Variants in ZNF721 observed in about 807,000 individuals in gnomAD.
ZNF721 encodes zinc finger protein 721.
Under a neutral mutation model 2.4 loss-of-function variants are expected in ZNF721, and 2 were observed. That is an observed-to-expected ratio of 0.82 (90% CI 0.34 to 2.58). The LOEUF (loss-of-function observed/expected upper bound fraction) is 2.58. ZNF721 is among the 30% of genes most tolerant of loss of function. The pLI is 0.11. For missense variants in ZNF721, 1,187 were observed against 1,085.5 expected (o/e 1.09, Z -1.31); for synonymous variants, 398 against 381.8 (o/e 1.04, Z -0.50).
chr4:476,303 T>C (rs1016600354), intron 1 of ZNF721, among the ~76,000 whole-genome samples: 7 of 152,238 alleles, frequency 4.6e-5, no homozygotes, highest in African/African-American at 1.7e-4. Flanking sequence ...GCTCCCCTGA[T>C]AGCAGCAACT....
intron 2 of ZNF721, among the ~76,000 whole-genome samples, chr4:469,733 A>G (rs1321065552): frequency 6.6e-6 from 1 of 152,198 alleles, no homozygotes; most frequent in Admixed American, 6.5e-5. Context: ...ACATACAAAA[A>G]CCAATGAACA....
In ZNF721 at chr4:446,075, CACA is replaced by C. The variant is rs142871870; in HGVS notation, c.35-1646_35-1644del. ...AGCACATGCTGAAAAAGTATATTAG[CACA>C]ACACCTGTCTTACCAAAAAAATGCT... On this transcript the variant is annotated intron_variant, in intron 2 of 2. Transcript: ENST00000511833. Among the ~76,000 whole-genome samples the C allele has an allele frequency of 4.1e-3, 622 of 152,114 alleles. 8 individuals carry two copies. The highest frequency in any genetic ancestry group is 0.014 in the African/African-American group (584 of 41,436).
intron 2 of ZNF721, among the ~76,000 whole-genome samples, chr4:448,317 T>C (rs1553864421): frequency 6.6e-6 from 1 of 151,902 alleles, no homozygotes; most frequent in Non-Finnish European, 1.5e-5. Context: ...GTGACTGTAG[T>C]CCCAGCTACT....
intron 1 of ZNF721, among the ~76,000 whole-genome samples, chr4:491,097 G>A (rs909342628): frequency 1.3e-5 from 2 of 152,060 alleles, no homozygotes; most frequent in Non-Finnish European, 2.9e-5. Flanking sequence ...ATACTGACAC[G>A]TGCATCCTTA....
At chr4:475,334 A>C (rs1426186547) in intron 1 of ZNF721, among the ~76,000 whole-genome samples, 1 of 151,076 alleles carries the variant, frequency 6.6e-6, no homozygotes. Flanking sequence ...CAGACTTACT[A>C]ATATTTTTTT....
intron 1 of ZNF721, among the ~76,000 whole-genome samples, chr4:478,069 G>A (rs1553868872): frequency 6.6e-6 from 1 of 152,194 alleles, no homozygotes; most frequent in African/African-American, 2.4e-5. Context: ...AATAAAAACT[G>A]CAACACGGAA....
chr4:440,264 G>C lies in ZNF721; in HGVS notation c.*1431C>G, dbSNP rs1309102244. ...TCTTCTCTTTCATGTAGAAGTCTAT[G>C]AATAATGCCCACCTAATGCAAAGGA... On this transcript the variant is annotated 3_prime_UTR_variant, in exon 3 of 3. Coordinates refer to ENST00000511833, the MANE Select transcript of ZNF721 (RefSeq NM_133474.4). 2.0e-5 allele frequency: 3 copies of C among 152,116 alleles called. No individual in the cohort carries two copies. Among genetic ancestry groups the C allele is most frequent in the Non-Finnish European group, 4.4e-5 (3 of 68,022 alleles). The allele number at this position is 152,116 out of a possible 1,614,324, so 9.4% of individuals were successfully genotyped here. A position where few individuals can be genotyped will look rare whatever the true frequency, so the allele number is the denominator to read the frequency against.
intron 2 of ZNF721, 84 bp from the exon 3 acceptor site, chr4:444,516 C>A (rs782495193): frequency 7.6e-7 from 1 of 1,307,354 alleles, no homozygotes; most frequent in Non-Finnish European, 1.0e-6. Flanking sequence ...ATACAAAGTA[C>A]GCTAGTAAGA....
At chr4:446,386 T>C (rs191563864) in intron 2 of ZNF721, among the ~76,000 whole-genome samples, 35 of 150,904 alleles carry the variant, frequency 2.3e-4, no homozygotes, top group Admixed American at 5.3e-4. Flanking sequence ...GTTTTCTTTT[T>C]TTTTTTTTTT....
Position 471,446 on chromosome 4 carries a change from C to T in ZNF721, c.34+1129G>A, listed in dbSNP as rs962820906. ...GGACATGATGCTAAATGAAATTAGCCAAACACAGACAGACAAAGAAACTGC... is the reference window on the plus strand; with the variant it reads ...GGACATGATGCTAAATGAAATTAGCTAAACACAGACAGACAAAGAAACTGC... On this transcript the variant is annotated intron_variant, in intron 2 of 2. Coordinates refer to ENST00000511833, the MANE Select transcript of ZNF721 (RefSeq NM_133474.4). Among the ~76,000 whole-genome samples the T allele has an allele frequency of 3.2e-4, 48 of 152,112 alleles. 1 individual carries two copies. The highest frequency in any genetic ancestry group is 6.5e-5 in the Admixed American group (1 of 15,268).
rs1553867865 is a variant in ZNF721, at chr4:472,566, T to C, written c.34+9A>G. 4 of 1,598,020 alleles carry C rather than the reference T, an allele frequency of 2.5e-6. No homozygotes were observed. The highest frequency in any genetic ancestry group is 2.2e-5 in the East Asian group (1 of 44,844). Reference sequence around the variant, plus strand: ...AGTATTAGGAATTATGCATTAAAGTTATCCTCACCTAGGGAGACCAGGTTT... The same window carrying C: ...AGTATTAGGAATTATGCATTAAAGTCATCCTCACCTAGGGAGACCAGGTTT... On this transcript the variant is annotated intron_variant, in intron 2 of 2. Coordinates refer to ENST00000511833, the MANE Select transcript of ZNF721 (RefSeq NM_133474.4).
In ZNF721 at chr4:441,960, G is replaced by C; in HGVS notation, c.2507C>G (p.Pro836Arg). 1 of 1,613,968 alleles carries C rather than the reference G, an allele frequency of 6.2e-7. No individual in the cohort carries two copies. The highest frequency in any genetic ancestry group is 8.5e-7 in the Non-Finnish European group (1 of 1,179,972). ...TTTGCCACATTCTTCACATGTGTAG[G>C]GTTTCTCTCCAGTATGAATTCTCCT... is the stretch of plus-strand genomic sequence containing the variant. ...KHRRIHTGEKPYTCEECGKAF... is the reference protein window; with the variant it reads ...KHRRIHTGEKRYTCEECGKAF... The change falls in exon 3 of 3, where the codon CCC (proline) becomes CGC (arginine). Residue 836 changes from proline to arginine, a missense_variant. Transcript: ENST00000511833.
intron 1 of ZNF721, among the ~76,000 whole-genome samples, chr4:480,084 A>G (rs1553869155): frequency 6.6e-6 from 1 of 152,210 alleles, no homozygotes; most frequent in Non-Finnish European, 1.5e-5. Flanking sequence ...AACTCTACAG[A>G]AACACTTTAA....
Position 443,075 on chromosome 4 carries a change from C to A in ZNF721, c.1392G>T (p.Glu464Asp). 2 of 1,613,852 alleles carry A rather than the reference C, an allele frequency of 1.2e-6. No individual in the cohort carries two copies. The highest frequency in any genetic ancestry group is 3.3e-5 in the Admixed American group (2 of 60,004). ...FIHSLHLNKH[E>D]KIHTGKKPYK... is the part of the protein sequence containing the mutation. ...AGGGTTTCTTTCCAGTATGAATTTT[C>A]TCATGTTTATTCAGGTGCAAGGAAT... The change falls in exon 3 of 3, where the codon GAG becomes GAT. Residue 464 changes from glutamate to aspartate, a missense_variant. Transcript: ENST00000511833.
chr4:474,195 G>T, intron 1 of ZNF721: 1 of 430,776 alleles, frequency 2.3e-6, no homozygotes, highest in East Asian at 6.2e-5. Context: ...CAGACTGCGC[G>T]CCTGATTGGG....
At chr4:466,613 T>A (rs1406331124) in intron 2 of ZNF721, among the ~76,000 whole-genome samples, 6 of 152,172 alleles carry the variant, frequency 3.9e-5, no homozygotes, top group Non-Finnish European at 7.3e-5. Flanking sequence ...CTTAAAATAG[T>A]TCCTGTTTCT....
At chr4:490,719 G>C (rs1413044350) in intron 1 of ZNF721, among the ~76,000 whole-genome samples, 2 of 151,876 alleles carry the variant, frequency 1.3e-5, no homozygotes, top group Non-Finnish European at 2.9e-5. Flanking sequence ...TTGTGAACAA[G>C]TGTGTGTGTG....
In ZNF721 at chr4:443,000, A is replaced by T. The variant is rs782514186; in HGVS notation, c.1467T>A (p.Ala489=). ...CGCCAGTATGAATCCTCTTATGTTT[A>T]GCAAAGCTTGAGGATGAGGTAATGA... is the stretch of plus-strand genomic sequence containing the variant. ...GKVITSSSSF[A]KHKRIHTGEK... The change falls in exon 3 of 3, where the codon GCT becomes GCA. Residue 489 remains alanine, a synonymous_variant. Coordinates refer to ENST00000511833, the MANE Select transcript of ZNF721 (RefSeq NM_133474.4). The T allele has an allele frequency of 6.2e-7, 1 of 1,613,866 alleles. No homozygotes were observed. The highest frequency in any genetic ancestry group is 8.5e-7 in the Non-Finnish European group (1 of 1,179,776).
intron 2 of ZNF721, among the ~76,000 whole-genome samples, chr4:463,992 CAAAAGT>C (rs1353420424): frequency 6.6e-6 from 1 of 151,916 alleles, no homozygotes; most frequent in Non-Finnish European, 1.5e-5. Context: ...CGATAAGATG[CAAAAGT>C]ACAAAGATTA....
Sources: gnomAD v4.1 joint callset for allele counts (sites outside exome capture counted in the v4.1 genomes callset) on GRCh38, gnomAD v4.1.1 for gene constraint, MANE v1.5 for transcripts, NCBI Gene and HGNC (gene_info 2026-07-23, HGNC 2026-07-21) for gene names.